The following FAM221A variants were observed in gnomAD, a reference collection of about 807,000 sequenced individuals.
The protein encoded by FAM221A is family with sequence similarity 221 member A.
FAM221A carries 43 observed loss-of-function variants against 37.6 expected under a neutral mutation model. The ratio of observed to expected loss-of-function variants is 1.15; its 90% CI spans 0.90 to 1.48. FAM221A has a LOEUF of 1.48. Among genes scored for constraint, FAM221A ranks in the 40% most tolerant of loss-of-function variants. The probability of loss-of-function intolerance (pLI) is 0.00; values close to 1 mark genes in which losing one functional copy is unlikely to be tolerated. For missense variants in FAM221A, 361 were observed against 361.5 expected (o/e 1.00, Z 0.01); for synonymous variants, 135 against 132.9 (o/e 1.02, Z -0.11).
intron 3 of FAM221A, among the ~76,000 whole-genome samples, chr7:23,690,170 CAT>C (rs1175330292): frequency 0.01 from 708 of 68,582 alleles, 11 homozygotes; most frequent in African/African-American, 0.011. Context: ...TGCCTTGGTT[CAT>C]ATATATATAT....
At chr7:23,695,397 T>C (rs950779033) in intron 4 of FAM221A, among the ~76,000 whole-genome samples, 3 of 152,218 alleles carry the variant, frequency 2.0e-5, no homozygotes, top group Non-Finnish European at 4.4e-5. Flanking sequence ...TATTTAACTT[T>C]TTTTGAGATG....
At chr7:23,686,326 C>A (rs1004638478) in intron 2 of FAM221A, 20 of 426,140 alleles carry the variant, frequency 4.7e-5, no homozygotes, top group African/African-American at 4.0e-4. Flanking sequence ...TGCAGTGGCA[C>A]GATCTTGGCT....
chr7:23,692,715 A>G, intron 4 of FAM221A: 1 of 983,852 alleles, frequency 1.0e-6, no homozygotes, highest in Non-Finnish European at 1.2e-6. Flanking sequence ...AATTAAGTGC[A>G]AAACACCCTT....
Position 23,680,261 on chromosome 7 carries a change from GA to G in FAM221A, c.44del (p.Asp15AlafsTer42). Reference sequence around the variant, plus strand: ...GCCTCTCGGCGGCGCGGCGGCGGTGGACGAGTACCTGGAGTACCGGAGGTGA... The same window carrying G: ...GCCTCTCGGCGGCGCGGCGGCGGTGGCGAGTACCTGGAGTACCGGAGGTGA... Reference protein sequence around the residue: ...TLPLGGAAAVDEYLEYRRIVG... With the variant: ...TLPLGGAAAVXEYLEYRRIVG... On this transcript the variant is annotated frameshift_variant, in exon 1 of 7. Coordinates refer to ENST00000344962, the MANE Select transcript of FAM221A (RefSeq NM_199136.5). LOFTEE classifies it high-confidence loss of function. 6.5e-7 allele frequency: 1 copy of G among 1,548,954 alleles called. No homozygotes were observed. The highest frequency in any genetic ancestry group is 8.7e-7 in the Non-Finnish European group (1 of 1,146,014).
intron 5 of FAM221A, among the ~76,000 whole-genome samples, chr7:23,700,085 CTG>C (rs529366194): frequency 9.1e-4 from 138 of 152,284 alleles, no homozygotes; most frequent in Non-Finnish European, 1.8e-3. Flanking sequence ...TAGCTATACT[CTG>C]TGGTGATTGT....
chr7:23,700,262 C>A (rs1785336172), intron 5 of FAM221A, among the ~76,000 whole-genome samples: 1 of 152,144 alleles, frequency 6.6e-6, no homozygotes, highest in Non-Finnish European at 1.5e-5. Context: ...GGCTACCTGC[C>A]AAGAAAACCA....
At position 23,702,299 on chromosome 7, in the gene FAM221A, T is replaced by C. The variant is rs759043367; in HGVS notation, c.*135T>C. 637 of 487,330 alleles carry C rather than the reference T, an allele frequency of 1.3e-3. 1 individual carries two copies. The highest frequency in any genetic ancestry group is 1.9e-3 in the Non-Finnish European group (558 of 286,564). The allele number at this position is 487,330 out of a possible 1,614,324, so 30.2% of individuals were successfully genotyped here. ...ATAAATGTCTTTTGGGATGTTTCCTTAATTTATTTAAATAACTAAAAATGC... is the reference window on the plus strand; with the variant it reads ...ATAAATGTCTTTTGGGATGTTTCCTCAATTTATTTAAATAACTAAAAATGC... On this transcript the variant is annotated 3_prime_UTR_variant, in exon 7 of 7. Transcript: ENST00000344962.
At chr7:23,701,733 A>T (rs887059252) in intron 6 of FAM221A, among the ~76,000 whole-genome samples, 4 of 152,138 alleles carry the variant, frequency 2.6e-5, no homozygotes, top group African/African-American at 9.7e-5. Flanking sequence ...AACTATCCTT[A>T]AAGCAGTCCA....
At chr7:23,684,849 G>A (rs1784271722) in intron 2 of FAM221A, among the ~76,000 whole-genome samples, 177 bp downstream of exon 2, 1 of 152,220 alleles carries the variant, frequency 6.6e-6, no homozygotes, top group Non-Finnish European at 1.5e-5. Flanking sequence ...ACTTTGGGAG[G>A]CCGAGGCCGG....
intron 3 of FAM221A, among the ~76,000 whole-genome samples, chr7:23,690,194 TA>T (rs1452513434): frequency 0.06 from 3,230 of 54,200 alleles, 194 homozygotes; most frequent in African/African-American, 0.18. Context: ...TATATATATA[TA>T]TATATTTTTT....
At chr7:23,695,545 G>C (rs1785005339) in intron 4 of FAM221A, among the ~76,000 whole-genome samples, 1 of 152,060 alleles carries the variant, frequency 6.6e-6, no homozygotes, top group African/African-American at 2.4e-5. Context: ...GCTAATTTTT[G>C]TATTTTTAGT....
intron 2 of FAM221A, among the ~76,000 whole-genome samples, chr7:23,685,138 A>T (rs1054056080): frequency 6.6e-6 from 1 of 152,066 alleles, no homozygotes; most frequent in African/African-American, 2.4e-5. Context: ...AATCCTAGCT[A>T]CTTGGGAGGC....
At chr7:23,687,409 A>G (rs1784433967) in intron 2 of FAM221A, 2 of 152,214 alleles carry the variant, frequency 1.3e-5, no homozygotes, top group African/African-American at 4.8e-5. Context: ...AAAATGTTTG[A>G]AAACTGTTGT....
Position 23,700,867 on chromosome 7 carries a change from G to C in FAM221A, c.827G>C (p.Arg276Thr). 6.2e-7 allele frequency: 1 copy of C among 1,603,988 alleles called. No homozygotes were observed. The highest frequency in any genetic ancestry group is 8.5e-7 in the Non-Finnish European group (1 of 1,175,668). The change falls in exon 6 of 7, where the codon AGG becomes ACG. Residue 276 changes from arginine to threonine, a missense_variant and splice_region_variant. By Grantham distance (71) the Arg-to-Thr change is moderately conservative. Coordinates refer to ENST00000344962, the MANE Select transcript of FAM221A (RefSeq NM_199136.5). ...TTCTTTGAAAGACGATACCAGGAAA[G>C]GGTAGGTTTTTGAGGAAATTCAGTT... is the stretch of plus-strand genomic sequence containing the variant. ...MAFFERRYQE[R>T]MKMEKAAKWK...
At chr7:23,693,316 G>A (rs559242487) in intron 4 of FAM221A, 36 of 152,194 alleles carry the variant, frequency 2.4e-4, no homozygotes, top group Admixed American at 1.8e-3. Context: ...GCTAATCATT[G>A]ATATTATTAA....
intron 3 of FAM221A, among the ~76,000 whole-genome samples, chr7:23,690,193 A>ATG (rs1188163263): frequency 2.2e-5 from 1 of 46,510 alleles, no homozygotes; most frequent in South Asian, 1.4e-3. Context: ...ATATATATAT[A>ATG]TATATATTTT....
At chr7:23,690,199 A>ATTTTTTTTTT (rs398004023) in intron 3 of FAM221A, among the ~76,000 whole-genome samples, 3 of 48,738 alleles carry the variant, frequency 6.2e-5, no homozygotes, top group African/African-American at 1.7e-4. Context: ...ATATATATAT[A>ATTTTTTTTTT]TTTTTTTTTT....
intron 4 of FAM221A, chr7:23,693,017 A>G (rs1784841796): frequency 6.6e-6 from 1 of 152,066 alleles, no homozygotes; most frequent in Non-Finnish European, 1.5e-5. Flanking sequence ...GTGTCAGGAC[A>G]CACAAGTCTA....
At chr7:23,695,280 A>G (rs1408098205) in intron 4 of FAM221A, among the ~76,000 whole-genome samples, 2 of 151,918 alleles carry the variant, frequency 1.3e-5, no homozygotes, top group Non-Finnish European at 2.9e-5. Context: ...TAGAATTGAT[A>G]TTTTTCAGTA....
Sources: gnomAD v4.1 joint callset for allele counts (sites outside exome capture counted in the v4.1 genomes callset) on GRCh38, gnomAD v4.1.1 for gene constraint, MANE v1.5 for transcripts, NCBI Gene and HGNC (gene_info 2026-07-23, HGNC 2026-07-21) for gene names.